Variants in PTPRQ observed in about 807,000 individuals in gnomAD.
PTPRQ encodes phosphatidylinositol phosphatase PTPRQ.
In PTPRQ, 199 loss-of-function variants were observed where a neutral mutation model predicts 246.0. That is an observed-to-expected ratio of 0.81 (90% confidence interval 0.72 to 0.91). The LOEUF (loss-of-function observed/expected upper bound fraction) is 0.91. PTPRQ is among the 40% of genes least tolerant of loss of function. The probability of loss-of-function intolerance (pLI) is 0.00; values close to 1 mark genes in which losing one functional copy is unlikely to be tolerated. For synonymous variants in PTPRQ, 869 were observed against 853.2 expected (o/e 1.02, Z -0.32); for missense variants, 2,624 against 2,528.4 (o/e 1.04, Z -0.81).
intron 25 of PTPRQ, among the ~76,000 whole-genome samples, chr12:80,581,151 C>G (rs1897421845): frequency 6.6e-6 from 1 of 152,092 alleles, no homozygotes; most frequent in African/African-American, 2.4e-5. Flanking sequence ...TTCTCTAGTT[C>G]ATTAGCTAGT....
chr12:80,643,812 A>G (rs1337147529), intron 35 of PTPRQ, among the ~76,000 whole-genome samples: 1 of 152,246 alleles, frequency 6.6e-6, no homozygotes, highest in Non-Finnish European at 1.5e-5. Context: ...ACTCAGTATC[A>G]TACAAAACTT....
chr12:80,467,971 A>G (rs1256355525), intron 6 of PTPRQ, among the ~76,000 whole-genome samples: 1 of 152,228 alleles, frequency 6.6e-6, no homozygotes, highest in Admixed American at 6.5e-5. Context: ...ACTAACCTGC[A>G]CGTTGTGCAC....
At chr12:80,467,635 A>T (rs1417414398) in intron 6 of PTPRQ, among the ~76,000 whole-genome samples, 21 of 152,256 alleles carry the variant, frequency 1.4e-4, no homozygotes, top group Non-Finnish European at 4.4e-5. Context: ...AGACTGGATT[A>T]AGAAAATGTG....
chr12:80,605,974 A>G (rs772168752), intron 27 of PTPRQ, among the ~76,000 whole-genome samples: 4 of 151,170 alleles, frequency 2.6e-5, no homozygotes, highest in Non-Finnish European at 5.9e-5. Flanking sequence ...AGGAAAAAGA[A>G]CAGAGGAAAT....
At chr12:80,541,165 C>A (rs974770113) in intron 20 of PTPRQ, among the ~76,000 whole-genome samples, 4 of 151,760 alleles carry the variant, frequency 2.6e-5, no homozygotes, top group South Asian at 2.1e-4. Context: ...ATATGTACAA[C>A]AAGGGTAATA....
chr12:80,666,214 G>A (rs553158277), intron 39 of PTPRQ, among the ~76,000 whole-genome samples: 6 of 151,864 alleles, frequency 4.0e-5, no homozygotes, highest in South Asian at 2.1e-4. Context: ...CTGTATATAC[G>A]CAATGGAATA....
chr12:80,617,116 C>G (rs1287428147), intron 30 of PTPRQ, among the ~76,000 whole-genome samples: 1 of 151,174 alleles, frequency 6.6e-6, no homozygotes. Flanking sequence ...GGTTTAGGGT[C>G]AAACTGCTGG....
intron 17 of PTPRQ, among the ~76,000 whole-genome samples, chr12:80,511,029 T>G (rs1022063483): frequency 6.6e-6 from 1 of 152,176 alleles, no homozygotes; most frequent in African/African-American, 2.4e-5. Flanking sequence ...AATCTTTACT[T>G]TGATGTAATG....
intron 14 of PTPRQ, among the ~76,000 whole-genome samples, chr12:80,498,127 T>C (rs1488781639): frequency 6.6e-6 from 1 of 152,076 alleles, no homozygotes; most frequent in Non-Finnish European, 1.5e-5. Context: ...TTAATCCATA[T>C]ATTGGCATGT....
chr12:80,637,663 T>C (rs1451902894), intron 35 of PTPRQ, among the ~76,000 whole-genome samples: 4 of 152,214 alleles, frequency 2.6e-5, no homozygotes, highest in Admixed American at 2.6e-4. Flanking sequence ...GTGTCCAGCT[T>C]TACTATTTAT....
chr12:80,452,899 G>C (rs932348228), intron 3 of PTPRQ, among the ~76,000 whole-genome samples: 26 of 152,084 alleles, frequency 1.7e-4, no homozygotes, highest in South Asian at 1.2e-3. Context: ...TTTCCTGAAT[G>C]TGAATGTTGA....
intron 36 of PTPRQ, among the ~76,000 whole-genome samples, chr12:80,649,197 T>G (rs1454877427): frequency 6.6e-6 from 1 of 152,144 alleles, no homozygotes; most frequent in Non-Finnish European, 1.5e-5. Context: ...ATTATGAGAA[T>G]GAGGTCACTG....
At chr12:80,622,583 T>C (rs545353909) in intron 33 of PTPRQ, among the ~76,000 whole-genome samples, 17 of 152,158 alleles carry the variant, frequency 1.1e-4, no homozygotes, top group African/African-American at 3.9e-4. Context: ...ACTTAAGCCC[T>C]AATGTTGACT....
chr12:80,671,417 G>A (rs1900966222), intron 42 of PTPRQ, among the ~76,000 whole-genome samples: 1 of 152,010 alleles, frequency 6.6e-6, no homozygotes, highest in African/African-American at 2.4e-5. Context: ...ATGGACAGTA[G>A]CTGTCTTCAA....
At chr12:80,477,570 G>A (rs1179186365) in intron 8 of PTPRQ, among the ~76,000 whole-genome samples, 1 of 152,198 alleles carries the variant, frequency 6.6e-6, no homozygotes, top group African/African-American at 2.4e-5. Context: ...ACAGCTCCCA[G>A]CGTGAACGAC....
intron 23 of PTPRQ, among the ~76,000 whole-genome samples, chr12:80,546,181 T>A (rs1348486520): frequency 6.6e-6 from 1 of 151,818 alleles, no homozygotes; most frequent in Non-Finnish European, 1.5e-5. Flanking sequence ...TAGCTGGGTG[T>A]GGTGGCACAT....
intron 26 of PTPRQ, among the ~76,000 whole-genome samples, chr12:80,601,000 C>T (rs1483833276): frequency 6.6e-6 from 1 of 151,570 alleles, no homozygotes; most frequent in Non-Finnish European, 1.5e-5. Context: ...GGCCATTCTC[C>T]TCCTGGACAC....
chr12:80,510,227 C>T, intron 16 of PTPRQ, 96 bp from the exon 17 acceptor site: 1 of 1,234,226 alleles, frequency 8.1e-7, no homozygotes, highest in South Asian at 2.9e-5. Context: ...AATTCCTTTA[C>T]CAGAAAGTTT....
In PTPRQ at chr12:80,605,122, G is replaced by A; in HGVS notation, c.4673G>A (p.Ser1558Asn). ...VATSPFSISISWSEPAVITGP... is the reference protein window; with the variant it reads ...VATSPFSISINWSEPAVITGP... ...ACATCACCTTTTAGCATCAGCATAA[G>A]CTGGAGTGAACCTGCTGTCATTACT... Residue 1558 changes from serine (S) to asparagine (N), a missense_variant, in exon 27 of 45, where the codon AGC becomes AAC. By Grantham distance (46) the Ser-to-Asn change is conservative. Coordinates refer to ENST00000644991, the MANE Select transcript of PTPRQ (RefSeq NM_001145026.2). The A allele has an allele frequency of 3.9e-6, 6 of 1,545,664 alleles. No individual in the cohort carries two copies. The highest frequency in any genetic ancestry group is 5.2e-6 in the Non-Finnish European group (6 of 1,143,350).
Sources: allele counts gnomAD v4.1 joint callset (sites outside exome capture counted in the v4.1 genomes callset), GRCh38; gene constraint gnomAD v4.1.1; transcripts MANE v1.5; gene names NCBI Gene and HGNC (gene_info 2026-07-23, HGNC 2026-07-21).